FREM3: variants seen among roughly 807,000 people sequenced by gnomAD.
FREM3 encodes FRAS1-related extracellular matrix protein 3.
A neutral mutation model predicts 129.1 loss-of-function variants in FREM3; 105 were observed. That is an observed-to-expected ratio of 0.81 (90% CI 0.69 to 0.96). The LOEUF is 0.96. Among genes scored for constraint, FREM3 ranks in the 40% least tolerant of loss-of-function variants. The pLI, the probability that FREM3 is intolerant of heterozygous loss-of-function variation, is 0.00. For synonymous variants in FREM3, 1,014 were observed against 1,044.9 expected, an observed-to-expected ratio of 0.97 and a Z score of 0.57; for missense variants, 2,593 against 2,666.3, an observed-to-expected ratio of 0.97 and a Z score of 0.61.
chr4:143,581,666 C>G (rs1738145320), intron 7 of FREM3, among the ~76,000 whole-genome samples: 1 of 152,070 alleles, frequency 6.6e-6, no homozygotes, highest in Non-Finnish European at 1.5e-5. Flanking sequence ...CTCTACCGTG[C>G]CAGTTGCCAT....
chr4:143,624,350 T>G lies in FREM3; in HGVS notation c.5423-12A>C. On this transcript the variant is annotated splice_polypyrimidine_tract_variant and intron_variant, in intron 3 of 7. Transcript: ENST00000329798. ...TTTGGTACCAATGCCTGAATAAAAA[T>G]CAGAAAACTATAAATATAAAGCCAA... The G allele has an allele frequency of 6.8e-7, 1 of 1,479,580 alleles. No homozygotes were observed. Among genetic ancestry groups the G allele is most frequent in the Non-Finnish European group, 9.1e-7 (1 of 1,095,634 alleles). 91.7% of individuals were successfully genotyped at this position (1,479,580 alleles called of 1,614,324 possible).
In FREM3 at chr4:143,699,475, G is replaced by T. The variant is rs1740650450; in HGVS notation, c.1201C>A (p.Leu401Ile). 6.5e-7 allele frequency: 1 copy of T among 1,537,292 alleles called. No individual in the cohort carries two copies. The highest frequency in any genetic ancestry group is 2.4e-5 in the East Asian group (1 of 40,908). ...PPAENSHGER[L>I]FQLELEVVDG... ...ACCACCTCCAGCTCCAGCTGAAAGA[G>T]GCGCTCCCCATGGGAGTTCTCTGCA... The change falls in exon 1 of 8, where the codon CTC (leucine) becomes ATC (isoleucine). Residue 401 changes from leucine (L) to isoleucine (I), a missense_variant. By Grantham distance (5) the Leu-to-Ile change is conservative (BLOSUM62 2). Around this residue, in one of 2 missense-constraint regions of FREM3, gnomAD observed 2,276 missense variants for 2,267.2 expected, o/e 1.00. Coordinates refer to ENST00000329798, the MANE Select transcript of FREM3 (RefSeq NM_001168235.2). The surrounding 1 kb of genome is among the most constrained non-coding windows in gnomAD (Gnocchi z 4.2).
intron 2 of FREM3, among the ~76,000 whole-genome samples, chr4:143,633,798 C>T (rs565881608): frequency 3.3e-5 from 5 of 152,082 alleles, no homozygotes; most frequent in Non-Finnish European, 2.9e-5. Context: ...GAAGTCAAAC[C>T]GTACATCAGG....
intron 2 of FREM3, among the ~76,000 whole-genome samples, chr4:143,675,372 C>T (rs193016): frequency 6.6e-6 from 1 of 152,130 alleles, no homozygotes; most frequent in South Asian, 2.1e-4. Flanking sequence ...ACCAGAATCT[C>T]TGGGACACAT....
intron 2 of FREM3, among the ~76,000 whole-genome samples, chr4:143,632,214 C>A (rs1461203643): frequency 6.6e-6 from 1 of 150,662 alleles, no homozygotes; most frequent in Admixed American, 6.6e-5. Flanking sequence ...TCAAAAAAAT[C>A]CTTGTTCTTG....
In FREM3 at chr4:143,697,392, A is replaced by G; in HGVS notation, c.3284T>C (p.Val1095Ala). 6.5e-7 allele frequency: 1 copy of G among 1,537,138 alleles called. No homozygotes were observed. The highest frequency in any genetic ancestry group is 1.2e-5 in the South Asian group (1 of 84,050). Residue 1095 changes from valine to alanine, a missense_variant, in exon 1 of 8, where the codon GTT (valine) becomes GCT (alanine). Physicochemically the swap from Val to Ala is moderately conservative, Grantham distance 64. This residue lies in a region of FREM3 where 2,276 missense variants were observed against 2,267.2 expected (regional missense o/e 1.00). Transcript: ENST00000329798. ...ATCTTGATGAGTGTCCACATCTTCA[A>G]CATGGAGATGTTGTAAGGTCAAGGA... is the stretch of plus-strand genomic sequence containing the variant. ...KNSLTLQHLH[V>A]EDVDTHQDEL...
intron 2 of FREM3, among the ~76,000 whole-genome samples, chr4:143,654,953 C>T (rs1011331393): frequency 1.3e-5 from 2 of 152,182 alleles, no homozygotes; most frequent in Non-Finnish European, 2.9e-5. Flanking sequence ...ATGAAGGAAT[C>T]AGAGTAAGCA....
chr4:143,591,869 G>T (rs1464596192), intron 6 of FREM3, among the ~76,000 whole-genome samples: 1 of 152,174 alleles, frequency 6.6e-6, no homozygotes, highest in African/African-American at 2.4e-5. Flanking sequence ...TATTGTGTGG[G>T]AGTCTAAGTC....
chr4:143,599,287 CAGAG>C (rs1738532888), intron 6 of FREM3, among the ~76,000 whole-genome samples: 1 of 152,108 alleles, frequency 6.6e-6, no homozygotes. Flanking sequence ...AACTAGCTGT[CAGAG>C]AGGCTAAGGG....
At chr4:143,595,226 A>G (rs1322147583) in intron 6 of FREM3, among the ~76,000 whole-genome samples, 1 of 152,216 alleles carries the variant, frequency 6.6e-6, no homozygotes, top group Non-Finnish European at 1.5e-5. Flanking sequence ...ATATTTTTCC[A>G]GTTGTCTCAG....
chr4:143,609,268 C>T (rs1387673675), intron 6 of FREM3, among the ~76,000 whole-genome samples: 1 of 152,116 alleles, frequency 6.6e-6, no homozygotes, highest in Non-Finnish European at 1.5e-5. Flanking sequence ...GTACCTAGAC[C>T]TATTACTAGC....
rs1435463378 is a variant in FREM3, at chr4:143,654,606, A to G, written c.5276-26846T>C. Among the ~76,000 whole-genome samples, 3 of 152,366 alleles carry G rather than the reference A, an allele frequency of 2.0e-5. No homozygotes were observed. In the East Asian group the frequency reaches 5.8e-4, roughly 29 times the overall value. ...TAAGAATAAAAAGAAGCACTAAACT[A>G]GGATGAATCCAATTCCTTCCCATCT... On this transcript the variant is annotated intron_variant, in intron 2 of 7. Transcript: ENST00000329798.
rs1560879855 is a variant in FREM3, at chr4:143,700,581, C to CAGGGCTCG, written c.94_95insCGAGCCCT (p.Arg32ProfsTer35). The CAGGGCTCG allele has an allele frequency of 2.0e-6, 3 of 1,494,324 alleles. No individual in the cohort carries two copies. In the Admixed American group the frequency reaches 6.4e-5, roughly 32 times the overall value. The allele number at this position is 1,494,324 out of a possible 1,614,324, so 92.6% of individuals were successfully genotyped here. Reference sequence around the variant, plus strand: ...GGGCTCGGTCCCAAGTGAGGATGCCCGTCCCTGCAGCGCGGGGCGACTCAA... The same window carrying CAGGGCTCG: ...GGGCTCGGTCCCAAGTGAGGATGCCCAGGGCTCGGTCCCTGCAGCGCGGGGCGACTCAA... On this transcript the variant is annotated frameshift_variant, in exon 1 of 8. Coordinates refer to ENST00000329798, the MANE Select transcript of FREM3 (RefSeq NM_001168235.2). LOFTEE classifies it high-confidence loss of function.
intron 5 of FREM3, among the ~76,000 whole-genome samples, chr4:143,613,857 C>G (rs115427106): frequency 3.0e-4 from 45 of 152,306 alleles, no homozygotes; most frequent in African/African-American, 1.0e-3. Flanking sequence ...GTAACTAACA[C>G]TATCTTCACT....
intron 2 of FREM3, among the ~76,000 whole-genome samples, chr4:143,636,455 A>G (rs1739235920): frequency 6.6e-6 from 1 of 152,000 alleles, no homozygotes; most frequent in African/African-American, 2.4e-5. Flanking sequence ...AGTAAAGTGA[A>G]GAAAAATAGA....
chr4:143,672,231 A>G (rs1191949905), intron 2 of FREM3, among the ~76,000 whole-genome samples: 5 of 152,228 alleles, frequency 3.3e-5, no homozygotes, highest in African/African-American at 1.2e-4. Context: ...AGAGTCCAAC[A>G]TAGTTCAACC....
At chr4:143,639,210 G>T (rs186466935) in intron 2 of FREM3, among the ~76,000 whole-genome samples, 12 of 152,264 alleles carry the variant, frequency 7.9e-5, no homozygotes, top group Admixed American at 3.9e-4. Context: ...GGAATCAGCA[G>T]GGTGAGTCCT....
chr4:143,598,799 A>G (rs1738524142), intron 6 of FREM3, among the ~76,000 whole-genome samples: 1 of 152,208 alleles, frequency 6.6e-6, no homozygotes, highest in African/African-American at 2.4e-5. Context: ...CCAGTTGCCT[A>G]CAGTATTCAG....
intron 2 of FREM3, among the ~76,000 whole-genome samples, chr4:143,692,735 A>T (rs28600231): frequency 2.8e-3 from 432 of 152,320 alleles, no homozygotes; most frequent in African/African-American, 6.3e-3. Flanking sequence ...TAAAAATCCC[A>T]ACAAAATCTG....
Sources: gnomAD v4.1 joint callset for allele counts (sites outside exome capture counted in the v4.1 genomes callset) on GRCh38, gnomAD v4.1.1 for gene constraint, gnomAD v4.1.1 regional missense constraint, Gnocchi (gnomAD v3.1) non-coding constraint, MANE v1.5 for transcripts, NCBI Gene and HGNC (gene_info 2026-07-23, HGNC 2026-07-21) for gene names.